Variants in MFHAS1 observed in about 807,000 individuals in gnomAD.
MFHAS1 encodes the protein multifunctional ROCO family signaling regulator 1, also known as malignant fibrous histiocytoma-amplified sequence 1.
MFHAS1 carries 50 observed loss-of-function variants against 70.4 expected under a neutral mutation model. The observed-to-expected ratio is 0.71, with a 90% CI of 0.57 to 0.90. The LOEUF (loss-of-function observed/expected upper bound fraction) is 0.90. Ranked by LOEUF, MFHAS1 falls within the 40% of genes least tolerant of loss-of-function variation. MFHAS1 has a pLI of 0.00. For synonymous variants in MFHAS1, 952 were observed against 620.0 expected, an observed-to-expected ratio of 1.54 and a Z score of -7.96; for missense variants, 1,795 against 1,347.6, an observed-to-expected ratio of 1.33 and a Z score of -5.20.
chr8:8,821,437 T>C (rs1482974965), intron 1 of MFHAS1, among the ~76,000 whole-genome samples: 3 of 152,234 alleles, frequency 2.0e-5, no homozygotes, highest in Non-Finnish European at 2.9e-5. Context: ...CATGAAGCAG[T>C]AACCTCCCTC....
intron 2 of MFHAS1, among the ~76,000 whole-genome samples, chr8:8,789,308 T>C (rs898002328): frequency 1.3e-5 from 2 of 152,202 alleles, no homozygotes; most frequent in Admixed American, 1.3e-4. Context: ...TTGGAGCCGA[T>C]GGTACAAAGC....
intron 1 of MFHAS1, among the ~76,000 whole-genome samples, chr8:8,869,439 T>C (rs1053445246): frequency 2.6e-5 from 4 of 152,194 alleles, no homozygotes; most frequent in Non-Finnish European, 4.4e-5. Context: ...TGCGGTATTT[T>C]AAAGCGGTGA....
chr8:8,883,596 T>C (rs1267597864), intron 1 of MFHAS1, among the ~76,000 whole-genome samples: 1 of 149,208 alleles, frequency 6.7e-6, no homozygotes, highest in African/African-American at 2.5e-5. Flanking sequence ...TAATCCCAGC[T>C]ACTCGGGAGG....
intron 2 of MFHAS1, among the ~76,000 whole-genome samples, chr8:8,790,893 C>T (rs1302635106): frequency 6.6e-6 from 1 of 152,166 alleles, no homozygotes; most frequent in African/African-American, 2.4e-5. Flanking sequence ...TGCCAAAATT[C>T]CTGTGCAAAG....
intron 1 of MFHAS1, among the ~76,000 whole-genome samples, chr8:8,867,634 C>G (rs1235662374): frequency 6.6e-6 from 1 of 151,668 alleles, no homozygotes; most frequent in African/African-American, 2.4e-5. Context: ...CTCGGCTCAC[C>G]AAAAGCTCCG....
At chr8:8,855,163 G>A (rs1422234714) in intron 1 of MFHAS1, among the ~76,000 whole-genome samples, 1 of 152,152 alleles carries the variant, frequency 6.6e-6, no homozygotes, top group Non-Finnish European at 1.5e-5. Flanking sequence ...ATGTCGCCCA[G>A]GCTGGTCTCG....
intron 1 of MFHAS1, among the ~76,000 whole-genome samples, chr8:8,821,044 C>A (rs1046382690): frequency 1.6e-4 from 25 of 152,206 alleles, no homozygotes; most frequent in African/African-American, 5.8e-4. Flanking sequence ...TGAGTCAGCA[C>A]AGGGAAGTGG....
chr8:8,876,448 T>C (rs1204002637), intron 1 of MFHAS1, among the ~76,000 whole-genome samples: 1 of 152,076 alleles, frequency 6.6e-6, no homozygotes, highest in Admixed American at 6.6e-5. Context: ...GAAACCACTG[T>C]TGTCGGCCGG....
At chr8:8,802,016 G>C (rs1308159780) in intron 1 of MFHAS1, among the ~76,000 whole-genome samples, 2 of 152,212 alleles carry the variant, frequency 1.3e-5, no homozygotes, top group Non-Finnish European at 2.9e-5. Context: ...TACCATCATG[G>C]TGTAATGTAT....
intron 2 of MFHAS1, among the ~76,000 whole-genome samples, chr8:8,787,133 T>C (rs549855308): frequency 1.2e-3 from 176 of 151,278 alleles, no homozygotes; most frequent in Admixed American, 3.8e-3. Context: ...CAGGCTGGAG[T>C]GCAGTGGCGC....
At chr8:8,797,737 G>C (rs961940806) in intron 1 of MFHAS1, among the ~76,000 whole-genome samples, 4 of 152,162 alleles carry the variant, frequency 2.6e-5, no homozygotes, top group Admixed American at 2.0e-4. Context: ...GCCCACACTA[G>C]ACAAAGACAG....
At chr8:8,865,588 T>C (rs1046118670) in intron 1 of MFHAS1, among the ~76,000 whole-genome samples, 14 of 152,218 alleles carry the variant, frequency 9.2e-5, no homozygotes, top group African/African-American at 2.9e-4. Flanking sequence ...CATGAATTAC[T>C]GTCCAGAAAA....
At chr8:8,859,644 A>G (rs991542200) in intron 1 of MFHAS1, among the ~76,000 whole-genome samples, 1 of 152,204 alleles carries the variant, frequency 6.6e-6, no homozygotes, top group African/African-American at 2.4e-5. Flanking sequence ...GGAACAGTAA[A>G]TATATTTCCT....
In MFHAS1 at chr8:8,891,707, G is replaced by A; in HGVS notation, c.1352C>T (p.Pro451Leu). The change falls in exon 1 of 3, where the codon CCT becomes CTT. Residue 451 changes from proline (P) to leucine (L), a missense_variant. Coordinates refer to ENST00000276282, the MANE Select transcript of MFHAS1 (RefSeq NM_004225.3). This position sits in a 1 kb window ranked among gnomAD's most constrained non-coding sequence, Gnocchi z 5.4. ...GDKEKCYPPS[P>L]PPVSKGIEVT... ...CTCGATGCCCTTGCTCACAGGGGGA[G>A]GTGACGGTGGGTAGCACTTCTCCTT... 1.2e-6 allele frequency: 2 copies of A among 1,613,502 alleles called. No homozygotes were observed. The highest frequency in any genetic ancestry group is 8.5e-7 in the Non-Finnish European group (1 of 1,180,024).
At chr8:8,821,212 T>G (rs1335035885) in intron 1 of MFHAS1, among the ~76,000 whole-genome samples, 2 of 152,134 alleles carry the variant, frequency 1.3e-5, no homozygotes, top group African/African-American at 4.8e-5. Flanking sequence ...TGCCGGGGGA[T>G]TAGCAGCTTC....
At chr8:8,884,159 A>G (rs1344519913) in intron 1 of MFHAS1, among the ~76,000 whole-genome samples, 2 of 152,174 alleles carry the variant, frequency 1.3e-5, no homozygotes, top group East Asian at 3.8e-4. Flanking sequence ...TTAAGAGTCT[A>G]TTCCAGGGTT....
At chr8:8,808,571 T>C (rs1471399945) in intron 1 of MFHAS1, among the ~76,000 whole-genome samples, 3 of 152,122 alleles carry the variant, frequency 2.0e-5, no homozygotes, top group African/African-American at 7.2e-5. Flanking sequence ...AAAAATTGCA[T>C]GCTGAAATTA....
intron 1 of MFHAS1, among the ~76,000 whole-genome samples, chr8:8,833,711 G>A (rs995752168): frequency 6.6e-6 from 1 of 152,142 alleles, no homozygotes; most frequent in Non-Finnish European, 1.5e-5. Context: ...TAATCTTAGA[G>A]CAATGACAAT....
chr8:8,871,814 G>T (rs1809085907), intron 1 of MFHAS1, among the ~76,000 whole-genome samples: 1 of 152,212 alleles, frequency 6.6e-6, no homozygotes, highest in South Asian at 2.1e-4. Context: ...GAAGTGCCTG[G>T]GAGAGGTTAA....
Sources: allele counts gnomAD v4.1 joint callset (sites outside exome capture counted in the v4.1 genomes callset), GRCh38; gene constraint gnomAD v4.1.1; non-coding constraint Gnocchi (gnomAD v3.1); transcripts MANE v1.5; gene names NCBI Gene and HGNC (gene_info 2026-07-23, HGNC 2026-07-21).